RBFOX1: variants seen among roughly 807,000 people sequenced by gnomAD.
RBFOX1 encodes the protein RNA binding protein fox-1 homolog 1.
RBFOX1 carries 8 observed loss-of-function variants against 57.7 expected under a neutral mutation model. The observed-to-expected ratio is 0.14, with a 90% CI of 0.08 to 0.25. The LOEUF is 0.25. Ranked by LOEUF, RBFOX1 falls within the 10% of genes least tolerant of loss-of-function variation. RBFOX1 has a pLI of 1.00. For missense variants in RBFOX1, 611 were observed against 548.5 expected, an observed-to-expected ratio of 1.11 and a Z score of -1.14; for synonymous variants, 326 against 222.4, an observed-to-expected ratio of 1.47 and a Z score of -4.15.
At chr16:5,298,898 C>A (rs2063740358) in intron 1 of RBFOX1, among the ~76,000 whole-genome samples, 1 of 97,798 alleles carries the variant, frequency 1.0e-5, no homozygotes, top group Non-Finnish European at 2.0e-5. Flanking sequence ...GCAGACGGGA[C>A]TGAGTTTGAG....
chr16:5,690,772 C>G (rs750842864), intron 3 of RBFOX1, among the ~76,000 whole-genome samples: 1 of 152,122 alleles, frequency 6.6e-6, no homozygotes, highest in South Asian at 2.1e-4. Context: ...GCTGTGTTCT[C>G]CTGAATTGGA....
chr16:7,237,633 C>G (rs1603428830), intron 4 of RBFOX1, among the ~76,000 whole-genome samples: 1 of 152,188 alleles, frequency 6.6e-6, no homozygotes, highest in Non-Finnish European at 1.5e-5. Flanking sequence ...TCTGCTTTCT[C>G]AAGCCAAGCG....
chr16:5,906,267 C>A (rs1042977715), intron 4 of RBFOX1, among the ~76,000 whole-genome samples: 5 of 152,068 alleles, frequency 3.3e-5, no homozygotes, highest in African/African-American at 1.2e-4. Context: ...GTAGGGTGGG[C>A]CCCAAATGAA....
At chr16:5,763,508 C>G (rs1368477585) in intron 3 of RBFOX1, among the ~76,000 whole-genome samples, 3 of 152,208 alleles carry the variant, frequency 2.0e-5, no homozygotes, top group Admixed American at 6.5e-5. Flanking sequence ...ATGAAGGGGG[C>G]ATGTCTTTAC....
chr16:7,598,576 C>G (rs970577993), intron 9 of RBFOX1, among the ~76,000 whole-genome samples: 2 of 152,000 alleles, frequency 1.3e-5, no homozygotes, highest in Non-Finnish European at 1.5e-5. Context: ...CCCTGGTTTC[C>G]TACCTCCCCC....
At chr16:6,062,118 G>A (rs560790464) in intron 1 of RBFOX1, among the ~76,000 whole-genome samples, 1 of 152,316 alleles carries the variant, frequency 6.6e-6, no homozygotes, top group African/African-American at 2.4e-5. Flanking sequence ...GCATGGGGCT[G>A]AGCATGTGGA....
intron 2 of RBFOX1, among the ~76,000 whole-genome samples, chr16:6,588,055 C>T (rs1398261939): frequency 6.6e-6 from 1 of 151,536 alleles, no homozygotes; most frequent in Non-Finnish European, 1.5e-5. Context: ...CATGGTGAAA[C>T]CGCTGTCTCT....
chr16:7,602,803 G>C (rs143996001), intron 9 of RBFOX1, among the ~76,000 whole-genome samples: 1 of 152,066 alleles, frequency 6.6e-6, no homozygotes, highest in Non-Finnish European at 1.5e-5. Flanking sequence ...ATCAACACAC[G>C]GAACATTGTC....
chr16:5,578,841 A>ACCC (rs1555470152), intron 2 of RBFOX1, among the ~76,000 whole-genome samples: 1 of 89,668 alleles, frequency 1.1e-5, no homozygotes, highest in African/African-American at 4.2e-5. Flanking sequence ...ACACACACAC[A>ACCC]CCCTTTTTTT....
intron 1 of RBFOX1, among the ~76,000 whole-genome samples, chr16:6,289,346 G>A (rs2077223661): frequency 1.3e-5 from 2 of 152,122 alleles, no homozygotes; most frequent in African/African-American, 4.8e-5. Context: ...TGTGACTGGT[G>A]ATGCAAAGTA....
intron 3 of RBFOX1, among the ~76,000 whole-genome samples, chr16:7,024,991 C>T (rs1484245087): frequency 6.6e-6 from 1 of 152,252 alleles, no homozygotes; most frequent in East Asian, 1.9e-4. Context: ...AGAGATGAAA[C>T]TGTTACAGGC....
At chr16:6,871,787 G>C (rs553519385) in intron 3 of RBFOX1, among the ~76,000 whole-genome samples, 43 of 152,192 alleles carry the variant, frequency 2.8e-4, no homozygotes, top group African/African-American at 9.2e-4. Flanking sequence ...GCTGATTTTA[G>C]GATCAAGTCT....
At chr16:7,577,025 G>A (rs982871607) in intron 5 of RBFOX1, among the ~76,000 whole-genome samples, 2 of 152,142 alleles carry the variant, frequency 1.3e-5, no homozygotes, top group East Asian at 1.9e-4. Context: ...TATTCTCAGC[G>A]GAGAAAACGC....
At chr16:7,279,322 A>T (rs1238563845) in intron 4 of RBFOX1, among the ~76,000 whole-genome samples, 2 of 152,056 alleles carry the variant, frequency 1.3e-5, no homozygotes, top group Non-Finnish European at 2.9e-5. Flanking sequence ...TTTCTCAGAA[A>T]TGTCTTGTTT....
At chr16:7,216,973 T>G (rs973622031) in intron 4 of RBFOX1, among the ~76,000 whole-genome samples, 1 of 145,518 alleles carries the variant, frequency 6.9e-6, no homozygotes, top group Non-Finnish European at 1.5e-5. Flanking sequence ...TAAGGAAAAG[T>G]ACAGCAGGAT....
chr16:6,909,569 C>T (rs1164875415), intron 3 of RBFOX1, among the ~76,000 whole-genome samples: 7 of 152,244 alleles, frequency 4.6e-5, no homozygotes, highest in Non-Finnish European at 7.3e-5. Context: ...CATTCATATT[C>T]AGGCTCAGCT....
chr16:5,444,795 A>T (rs915862451), intron 1 of RBFOX1, among the ~76,000 whole-genome samples: 1 of 152,194 alleles, frequency 6.6e-6, no homozygotes, highest in Admixed American at 6.5e-5. Context: ...TGGCCCTGTG[A>T]TGGATGTATT....
At chr16:7,362,806 G>T (rs983102420) in intron 4 of RBFOX1, among the ~76,000 whole-genome samples, 3 of 152,150 alleles carry the variant, frequency 2.0e-5, no homozygotes, top group African/African-American at 7.2e-5. Flanking sequence ...AGTGTTCACT[G>T]CCAGAGAAGT....
In RBFOX1 at chr16:6,985,831, G is replaced by C. The variant is rs1338510380; in HGVS notation, c.-15-66226G>C. Among the ~76,000 whole-genome samples the C allele has an allele frequency of 2.4e-4, 3 of 12,618 alleles. No individual in the cohort carries two copies. In the African/African-American group the frequency reaches 3.7e-3, roughly 15 times the overall value. The allele number at this position is 12,618 out of a possible 152,430, so 8.3% of individuals were successfully genotyped here. Reference sequence around the variant, plus strand: ...CCTGGGCCACAGAGCGTGAGTTCATGTAAAAAAAAAAAAAAACAGAATTTT... The same window carrying C: ...CCTGGGCCACAGAGCGTGAGTTCATCTAAAAAAAAAAAAAAACAGAATTTT... On this transcript the variant is annotated intron_variant, in intron 3 of 15. Coordinates refer to ENST00000550418, the MANE Select transcript of RBFOX1 (RefSeq NM_018723.4).
Sources: gnomAD v4.1 joint callset for allele counts (sites outside exome capture counted in the v4.1 genomes callset) on GRCh38, gnomAD v4.1.1 for gene constraint, MANE v1.5 for transcripts, NCBI Gene and HGNC (gene_info 2026-07-23, HGNC 2026-07-21) for gene names.